Variants in INTS6 observed in about 807,000 individuals in gnomAD.
INTS6 encodes the protein integrator complex subunit 6.
INTS6 carries 16 observed loss-of-function variants against 104.9 expected under a neutral mutation model. That is an observed-to-expected ratio of 0.15 (90% confidence interval 0.10 to 0.23). INTS6 has a LOEUF of 0.23. INTS6 is among the 10% of genes least tolerant of loss of function. The pLI is 1.00. For missense variants in INTS6, 584 were observed against 1,062.8 expected, an observed-to-expected ratio of 0.55 and a Z score of 6.26; for synonymous variants, 324 against 358.7, an observed-to-expected ratio of 0.90 and a Z score of 1.09.
In INTS6 at chr13:51,450,345, A is replaced by G. The variant is rs550673267; in HGVS notation, c.339+680T>C. On this transcript the variant is annotated intron_variant, in intron 3 of 17. Coordinates refer to ENST00000311234, the MANE Select transcript of INTS6 (RefSeq NM_012141.3). ...TAAAGCTCCTCTCATCCTCAAATAC[A>G]TGAAAGTAAGTGCAATAAAAGGACT... is the stretch of plus-strand genomic sequence containing the variant. 29 of 985,422 alleles carry G rather than the reference A, an allele frequency of 2.9e-5. No homozygotes were observed. The African/African-American group carries it at 5.1e-4, about 17-fold the overall frequency. The allele number at this position is 985,422 out of a possible 1,614,324, so 61.0% of individuals were successfully genotyped here. A position where few individuals can be genotyped will look rare whatever the true frequency, so the allele number is the denominator to read the frequency against.
intron 4 of INTS6, among the ~76,000 whole-genome samples, chr13:51,401,327 C>T (rs559714177): frequency 4.0e-4 from 61 of 151,972 alleles, no homozygotes; most frequent in Non-Finnish European, 5.9e-4. Flanking sequence ...TAAAATACAC[C>T]CAGTACTTTA....
chr13:51,342,058 A>C, the INTS6 span, among the ~76,000 whole-genome samples: 258 of 152,186 alleles, frequency 1.7e-3, 1 homozygote, highest in African/African-American at 5.8e-3. Flanking sequence ...GCTTACGCTC[A>C]GTGCCTCAGC....
rs533264664 is a variant in INTS6 at position 51,382,252 on chromosome 13, C to T, written c.1181-129G>A. The T allele has an allele frequency of 1.7e-5, 8 of 478,506 alleles. 1 individual carries two copies. In the South Asian group the frequency reaches 2.2e-4, roughly 13 times the overall value. The allele number at this position is 478,506 out of a possible 1,614,324, so 29.6% of individuals were successfully genotyped here. A position where few individuals can be genotyped will look rare whatever the true frequency, so the allele number is the denominator to read the frequency against. ...GAGAGTAACATCAGACGTTTTTTAACATGAAAGTAAGATTTACGGTTTTGT... is the reference window on the plus strand; with the variant it reads ...GAGAGTAACATCAGACGTTTTTTAATATGAAAGTAAGATTTACGGTTTTGT... On this transcript the variant is annotated intron_variant, in intron 9 of 17. Coordinates refer to ENST00000311234, the MANE Select transcript of INTS6 (RefSeq NM_012141.3).
At chr13:51,352,309 T>C (rs1955412157), downstream of INTS6, among the ~76,000 whole-genome samples, 1 of 152,142 alleles carries the variant, frequency 6.6e-6, no homozygotes, top group African/African-American at 2.4e-5. Context: ...GTTTTCATTA[T>C]GCAAGTCTTG....
chr13:51,348,588 G>A, the INTS6 span: 1 of 573,836 alleles, frequency 1.7e-6, no homozygotes, highest in Non-Finnish European at 3.1e-6. Context: ...GTTCATTTCA[G>A]AGCCACTGCT....
At chr13:51,374,502 T>G in intron 14 of INTS6, 63 bp from the exon 15 acceptor site, 2 of 1,545,162 alleles carry the variant, frequency 1.3e-6, no homozygotes, top group South Asian at 2.2e-5. Flanking sequence ...GCACAACCAG[T>G]GTCAATTCCA....
chr13:51,395,880 C>T (rs752783932), intron 4 of INTS6, among the ~76,000 whole-genome samples: 1 of 152,126 alleles, frequency 6.6e-6, no homozygotes, highest in African/African-American at 2.4e-5. Context: ...TCATTGCAAC[C>T]TCTGCCTCCT....
At chr13:51,432,826 CCATT>C (rs1395484874) in intron 3 of INTS6, among the ~76,000 whole-genome samples, 3 of 152,224 alleles carry the variant, frequency 2.0e-5, no homozygotes, top group Non-Finnish European at 4.4e-5. Context: ...TTCGTGTTGG[CCATT>C]CAAAGATTTG....
At chr13:51,449,780 T>C (rs1952996780) in intron 3 of INTS6, 1 of 985,244 alleles carries the variant, frequency 1.0e-6, no homozygotes, top group Non-Finnish European at 1.2e-6. Flanking sequence ...TCATTGCAAA[T>C]CTACCTAAAT....
intron 3 of INTS6, among the ~76,000 whole-genome samples, chr13:51,356,194 T>C (rs1955479253): frequency 6.6e-6 from 1 of 152,098 alleles, no homozygotes; most frequent in African/African-American, 2.4e-5. Context: ...AGCAAAGCAA[T>C]AGTCAAGTTT....
At chr13:51,439,413 TTTAAG>T (rs1952751477) in intron 3 of INTS6, 1 of 152,192 alleles carries the variant, frequency 6.6e-6, no homozygotes, top group Non-Finnish European at 1.5e-5. Flanking sequence ...TGTAAGGTTT[TTTAAG>T]TTATAGTACT....
chr13:51,429,785 AATATATAT>A (rs201277531), intron 4 of INTS6, among the ~76,000 whole-genome samples: 108 of 92,258 alleles, frequency 1.2e-3, no homozygotes, highest in East Asian at 5.6e-3. Context: ...AAAAAAAAAA[AATATATAT>A]ATATATATAT....
At chr13:51,417,813 T>A (rs2138057929) in intron 4 of INTS6, among the ~76,000 whole-genome samples, 1 of 152,342 alleles carries the variant, frequency 6.6e-6, no homozygotes, top group Non-Finnish European at 1.5e-5. Context: ...ATCGACTGAC[T>A]ATAAATGTAT....
At chr13:51,432,376 T>C (rs1041409435) in intron 3 of INTS6, among the ~76,000 whole-genome samples, 2 of 152,028 alleles carry the variant, frequency 1.3e-5, no homozygotes, top group African/African-American at 4.8e-5. Context: ...TTACACAATG[T>C]GAATATATCT....
chr13:51,414,984 CAAG>C (rs1956760513), intron 4 of INTS6, among the ~76,000 whole-genome samples: 1 of 151,982 alleles, frequency 6.6e-6, no homozygotes, highest in African/African-American at 2.4e-5. Flanking sequence ...ATTCGAAAGT[CAAG>C]AATATCCAAA....
chr13:51,396,771 ATG>A (rs1266880167), intron 4 of INTS6, among the ~76,000 whole-genome samples: 3 of 152,230 alleles, frequency 2.0e-5, no homozygotes, highest in Non-Finnish European at 4.4e-5. Context: ...TACAGGACAA[ATG>A]ACCTGGTTTC....
At chr13:51,387,571 A>G in intron 6 of INTS6, 31 bp from the exon 7 acceptor site, 1 of 1,573,410 alleles carries the variant, frequency 6.4e-7, no homozygotes, top group Non-Finnish European at 8.6e-7. Context: ...CAAAGAAAGC[A>G]TATATCATAA....
chr13:51,383,774 A>G (rs1956091813), intron 7 of INTS6, 33 bp from the exon 8 acceptor site: 2 of 1,537,190 alleles, frequency 1.3e-6, no homozygotes, highest in Non-Finnish European at 1.8e-6. Flanking sequence ...TACTACTTAC[A>G]TGAAATTTCA....
At chr13:51,343,371 G>C in the INTS6 span, among the ~76,000 whole-genome samples, 1 of 152,204 alleles carries the variant, frequency 6.6e-6, no homozygotes, top group Admixed American at 6.5e-5. Flanking sequence ...ACTGTGTCTG[G>C]ACTCACCAGT....
Sources: gnomAD v4.1 joint callset for allele counts (sites outside exome capture counted in the v4.1 genomes callset) on GRCh38, gnomAD v4.1.1 for gene constraint, MANE v1.5 for transcripts, NCBI Gene and HGNC (gene_info 2026-07-23, HGNC 2026-07-21) for gene names.